OTC: variants seen among roughly 807,000 people sequenced by gnomAD.
OTC encodes ornithine transcarbamylase, mitochondrial.
A neutral mutation model predicts 30.3 loss-of-function variants in OTC; 3 were observed. The ratio of observed to expected loss-of-function variants is 0.10; its 90% CI spans 0.05 to 0.26. The LOEUF (loss-of-function observed/expected upper bound fraction) is 0.26, where lower values mean the gene tolerates loss of function less well. Ranked by LOEUF, OTC falls within the 10% of genes least tolerant of loss-of-function variation. The pLI, the probability that OTC is intolerant of heterozygous loss-of-function variation, is 1.00. For missense variants in OTC, 194 were observed against 260.3 expected (o/e 0.75, Z 1.75); for synonymous variants, 111 against 99.7 (o/e 1.11, Z -0.67).
chrX:38,381,539 T>C, intron 4 of OTC, 110 bp downstream of exon 4: 1 of 567,026 alleles, frequency 1.8e-6, no homozygotes, highest in Non-Finnish European at 3.0e-6. Context: ...AATTGTTCTG[T>C]TCTCCATTTT....
At chrX:38,361,796 A>G (rs1042079905) in intron 1 of OTC, among the ~76,000 whole-genome samples, 3 of 111,753 alleles carry the variant, frequency 2.7e-5, no homozygotes, top group African/African-American at 9.7e-5. Context: ...CAGTTTTACT[A>G]TTTTTCACTT....
chrX:38,370,245 G>C (rs927574226), intron 3 of OTC, among the ~76,000 whole-genome samples: 3 of 112,242 alleles, frequency 2.7e-5, no homozygotes, highest in Non-Finnish European at 5.6e-5. Context: ...AATTCTGCTA[G>C]ATGGTGGAAA....
At chrX:38,419,720 T>C (rs777959199) in intron 9 of OTC, among the ~76,000 whole-genome samples, 46 of 111,621 alleles carry the variant, frequency 4.1e-4, no homozygotes, top group African/African-American at 1.3e-3. Context: ...GTTCTAACAG[T>C]TTTTTGGTGG....
chrX:38,399,600 T>A (rs2068474528), intron 4 of OTC, among the ~76,000 whole-genome samples: 1 of 110,203 alleles, frequency 9.1e-6, no homozygotes, highest in Admixed American at 9.7e-5. Flanking sequence ...AATACAAAAA[T>A]TAGCTGGGTG....
chrX:38,388,626 G>A (rs2068416017), intron 4 of OTC, among the ~76,000 whole-genome samples: 1 of 111,338 alleles, frequency 9.0e-6, no homozygotes, highest in Non-Finnish European at 1.9e-5. Flanking sequence ...AGCTTTTCAT[G>A]CCTAATGCTC....
In OTC at chrX:38,397,856, A is replaced by G. The variant is rs757703179; in HGVS notation, c.387-3419A>G. The stretch of plus-strand genomic sequence containing the variant: ...CTTTAAAAATGTTGATATGGGTCTC[A>G]CTATCATAGCTTCTGATTTAACCTT... On this transcript the variant is annotated intron_variant, in intron 4 of 9. Transcript: ENST00000039007. Among the ~76,000 whole-genome samples, 3 of 111,397 alleles carry G rather than the reference A, an allele frequency of 2.7e-5. No homozygotes were observed. The East Asian group carries it at 8.5e-4, about 32-fold the overall frequency.
In OTC at chrX:38,381,413, C is replaced by T. The variant is rs2068376079; in HGVS notation, c.370C>T (p.Leu124Phe). The T allele has an allele frequency of 1.7e-6, 2 of 1,185,501 alleles. No individual in the cohort carries two copies. The highest frequency in any genetic ancestry group is 4.4e-5 in the Admixed American group (2 of 45,600). ...QDIHLGVNESLTDTARVLSSM... is the reference protein window; with the variant it reads ...QDIHLGVNESFTDTARVLSSM... ...TATTCATTTGGGTGTGAATGAAAGT[C>T]TCACGGACACGGCCCGGTTTGTAAA... The change falls in exon 4 of 10, where the codon CTC (leucine) becomes TTC (phenylalanine). Residue 124 changes from leucine to phenylalanine, a missense_variant. Physicochemically the swap from Leu to Phe is conservative, Grantham distance 22. Coordinates refer to ENST00000039007, the MANE Select transcript of OTC (RefSeq NM_000531.6).
At chrX:38,353,696 T>C (rs2068228291) in intron 1 of OTC, among the ~76,000 whole-genome samples, 1 of 111,328 alleles carries the variant, frequency 9.0e-6, no homozygotes, top group South Asian at 3.8e-4. Context: ...ACTACTTCTT[T>C]AGTGAATATA....
At chrX:38,361,881 A>G (rs902170336) in intron 1 of OTC, among the ~76,000 whole-genome samples, 4 of 111,911 alleles carry the variant, frequency 3.6e-5, no homozygotes, top group African/African-American at 1.3e-4. Flanking sequence ...AACGATTACA[A>G]TTTTCCCACT....
intron 3 of OTC, among the ~76,000 whole-genome samples, chrX:38,370,700 C>A (rs917269504): frequency 8.1e-5 from 9 of 111,216 alleles, no homozygotes; most frequent in Non-Finnish European, 1.3e-4. Context: ...GGCGGGAAGA[C>A]AACTAGCAGG....
At chrX:38,330,842 C>T in the OTC span, among the ~76,000 whole-genome samples, 1 of 112,106 alleles carries the variant, frequency 8.9e-6, no homozygotes, top group Non-Finnish European at 1.9e-5. Flanking sequence ...GTTCACATGC[C>T]TCATCACAGC....
At chrX:38,356,350 T>A (rs1025576197) in intron 1 of OTC, among the ~76,000 whole-genome samples, 2 of 111,954 alleles carry the variant, frequency 1.8e-5, no homozygotes, top group African/African-American at 3.2e-5. Flanking sequence ...TCTTAGAAAC[T>A]ACTAGTCACT....
chrX:38,350,128 G>T (rs764728829), upstream of OTC, among the ~76,000 whole-genome samples: 5 of 111,173 alleles, frequency 4.5e-5, no homozygotes, highest in East Asian at 1.4e-3. Flanking sequence ...TTAGGAGAGG[G>T]TCACGTCAAG....
At chrX:38,361,048 T>C (rs1331094467) in intron 1 of OTC, among the ~76,000 whole-genome samples, 2 of 111,461 alleles carry the variant, frequency 1.8e-5, no homozygotes, top group African/African-American at 6.5e-5. Flanking sequence ...AGCAGAGAAA[T>C]AAAAAGTGCC....
chrX:38,395,581 C>T (rs1461564274), intron 4 of OTC: 2 of 144,413 alleles, frequency 1.4e-5, no homozygotes, highest in Non-Finnish European at 3.1e-5. Flanking sequence ...GGTGCACAGA[C>T]CCACAGTTCT....
At chrX:38,372,145 G>T (rs911737157) in intron 3 of OTC, among the ~76,000 whole-genome samples, 1 of 111,865 alleles carries the variant, frequency 8.9e-6, no homozygotes, top group African/African-American at 3.2e-5. Flanking sequence ...CTGAATAAAT[G>T]ATTGGTTTCA....
intron 1 of OTC, among the ~76,000 whole-genome samples, chrX:38,353,004 G>A (rs1172712343): frequency 8.9e-6 from 1 of 111,937 alleles, no homozygotes; most frequent in East Asian, 2.8e-4. Context: ...CAGACTAAAC[G>A]TTCTTGACAT....
At chrX:38,398,572 C>T (rs763453936) in intron 4 of OTC, among the ~76,000 whole-genome samples, 4 of 111,066 alleles carry the variant, frequency 3.6e-5, no homozygotes, top group Non-Finnish European at 7.6e-5. Context: ...TGAAGTATGA[C>T]CTCTAGGATT....
intron 3 of OTC, among the ~76,000 whole-genome samples, chrX:38,379,694 G>A (rs992940396): frequency 9.1e-6 from 1 of 109,983 alleles, no homozygotes; most frequent in Non-Finnish European, 1.9e-5. Context: ...GAGTGCAGTG[G>A]CGCGATCTCA....
Sources: allele counts gnomAD v4.1 joint callset (sites outside exome capture counted in the v4.1 genomes callset), GRCh38; gene constraint gnomAD v4.1.1; transcripts MANE v1.5; gene names NCBI Gene and HGNC (gene_info 2026-07-23, HGNC 2026-07-21).